The following MINAR1 variants were observed in gnomAD, a reference collection of about 807,000 sequenced individuals.
The protein encoded by MINAR1 is membrane integral NOTCH2 associated receptor 1.
In MINAR1, 40 loss-of-function variants were observed where a neutral mutation model predicts 65.1. The ratio of observed to expected loss-of-function variants is 0.61; its 90% confidence interval spans 0.48 to 0.80. MINAR1 has a LOEUF of 0.80. Ranked by LOEUF, MINAR1 falls within the 30% of genes least tolerant of loss-of-function variation. The pLI, the probability that MINAR1 is intolerant of heterozygous loss-of-function variation, is 0.00. For missense variants in MINAR1, 1,128 were observed against 1,148.0 expected (o/e 0.98, Z 0.25); for synonymous variants, 482 against 449.1 (o/e 1.07, Z -0.93).
chr15:79,452,681 GGT>G (rs879444304), intron 1 of MINAR1, among the ~76,000 whole-genome samples: 7 of 135,276 alleles, frequency 5.2e-5, no homozygotes, highest in African/African-American at 8.2e-5. Flanking sequence ...TATGAGTCTG[GGT>G]GTGTGTGTGT....
At chr15:79,467,877 C>CT (rs1163237544) in intron 3 of MINAR1, among the ~76,000 whole-genome samples, 1 of 152,120 alleles carries the variant, frequency 6.6e-6, no homozygotes, top group African/African-American at 2.4e-5. Context: ...GTTGCATGCC[C>CT]TTGAAGTTTG....
In MINAR1 at chr15:79,468,541, C is replaced by T; in HGVS notation, c.*157C>T. 1.5e-6 allele frequency: 1 copy of T among 672,594 alleles called. No homozygotes were observed. The highest frequency in any genetic ancestry group is 2.5e-6 in the Non-Finnish European group (1 of 402,338). The allele number at this position is 672,594 out of a possible 1,614,324, so 41.7% of individuals were successfully genotyped here. ...ATGAAGGTGGTTTTCAGAAAGTATA[C>T]ATTCTAGTGAGAAATCTACCTACCT... is the stretch of plus-strand genomic sequence containing the variant. On this transcript the variant is annotated 3_prime_UTR_variant, in exon 4 of 4. Coordinates refer to ENST00000305428, the MANE Select transcript of MINAR1 (RefSeq NM_015206.3).
chr15:79,455,147 C>T (rs1260343348), intron 1 of MINAR1, among the ~76,000 whole-genome samples: 4 of 152,110 alleles, frequency 2.6e-5, no homozygotes, highest in Non-Finnish European at 5.9e-5. Flanking sequence ...TTCAACTTTG[C>T]TGTATATTTG....
intron 1 of MINAR1, among the ~76,000 whole-genome samples, chr15:79,453,401 T>C (rs566164553): frequency 2.7e-5 from 4 of 150,650 alleles, no homozygotes; most frequent in South Asian, 2.1e-4. Context: ...CTCTGGATTA[T>C]ATAGTTACTT....
At chr15:79,412,221 A>G in the MINAR1 span, 678 of 151,996 alleles carry the variant, frequency 4.5e-3, 5 homozygotes, top group African/African-American at 0.015. Flanking sequence ...ATCCCCCCCA[A>G]TCACTGCTGG....
chr15:79,435,722 C>T (rs1894581666), intron 1 of MINAR1, among the ~76,000 whole-genome samples: 2 of 152,202 alleles, frequency 1.3e-5, no homozygotes, highest in Admixed American at 1.3e-4. Flanking sequence ...TGGTGGAAAT[C>T]TTAGGAGAGC....
chr15:79,457,160 C>T lies in MINAR1; in HGVS notation c.1013C>T (p.Thr338Ile). The T allele has an allele frequency of 3.7e-6, 6 of 1,614,162 alleles. No homozygotes were observed. Among genetic ancestry groups the T allele is most frequent in the Non-Finnish European group, 5.1e-6 (6 of 1,180,022 alleles). The change falls in exon 2 of 4, where the codon ACA (threonine) becomes ATA (isoleucine). Residue 338 changes from threonine to isoleucine, a missense_variant. Thr to Ile is a moderately conservative substitution (Grantham distance 89). Coordinates refer to ENST00000305428, the MANE Select transcript of MINAR1 (RefSeq NM_015206.3). ...AGCTTAGATGACCTTCAAGCCTCTA[C>T]ATATTTTGGGCCCACTCCCGTGATG... ...HESLDDLQASTYFGPTPVMGT... is the reference protein window; with the variant it reads ...HESLDDLQASIYFGPTPVMGT...
At position 79,457,736 on chromosome 15, in the gene MINAR1, T is replaced by A; in HGVS notation, c.1589T>A (p.Ile530Asn). The stretch of plus-strand genomic sequence containing the variant: ...TTCCGATTTCTTGATGACATGAGCA[T>A]CAGTGGCTCCACGGGAGTGATACAG... ...DIFRFLDDMS[I>N]SGSTGVIQSS... Residue 530 changes from isoleucine (I) to asparagine (N), a missense_variant, in exon 2 of 4, where the codon ATC becomes AAC. By Grantham distance (149) the Ile-to-Asn change is moderately radical. Coordinates refer to ENST00000305428, the MANE Select transcript of MINAR1 (RefSeq NM_015206.3). 6.2e-7 allele frequency: 1 copy of A among 1,614,200 alleles called. No individual in the cohort carries two copies. The highest frequency in any genetic ancestry group is 8.5e-7 in the Non-Finnish European group (1 of 1,180,030).
chr15:79,453,839 C>T (rs1286263767), intron 1 of MINAR1, among the ~76,000 whole-genome samples: 1 of 152,150 alleles, frequency 6.6e-6, no homozygotes, highest in Non-Finnish European at 1.5e-5. Context: ...ATTTCCTTTG[C>T]CATGCAAAGT....
At chr15:79,455,052 G>T (rs1895365524) in intron 1 of MINAR1, among the ~76,000 whole-genome samples, 1 of 151,902 alleles carries the variant, frequency 6.6e-6, no homozygotes, top group African/African-American at 2.4e-5. Flanking sequence ...ATGAATATAT[G>T]GATAGATATG....
At chr15:79,448,544 A>G (rs943841155) in intron 1 of MINAR1, among the ~76,000 whole-genome samples, 9 of 152,240 alleles carry the variant, frequency 5.9e-5, no homozygotes, top group African/African-American at 2.2e-4. Context: ...GCAGGCCAAC[A>G]CCGACGCAGG....
In MINAR1 at chr15:79,457,600, A is replaced by G; in HGVS notation, c.1453A>G (p.Lys485Glu). 1 of 1,614,214 alleles carries G rather than the reference A, an allele frequency of 6.2e-7. No homozygotes were observed. Among genetic ancestry groups the G allele is most frequent in the Non-Finnish European group, 8.5e-7 (1 of 1,180,030 alleles). ...CCAGACTGAGCACGTGCTGGAGCCC[A>G]AGAAATGCAGAGACCTGTGCACCTC... ...GTQTEHVLEP[K>E]KCRDLCTSGQ... The change falls in exon 2 of 4, where the codon AAG (lysine) becomes GAG (glutamate). Residue 485 changes from lysine (K) to glutamate (E), a missense_variant. By Grantham distance (56) the Lys-to-Glu change is moderately conservative (BLOSUM62 1). Transcript: ENST00000305428.
chr15:79,421,628 G>GGGGTCTCC, the MINAR1 span: 1 of 152,204 alleles, frequency 6.6e-6, no homozygotes, highest in African/African-American at 2.4e-5. Context: ...CCTACTCTTA[G>GGGGTCTCC]AAATGGTCTC....
At chr15:79,459,030 A>C (rs1895545441) in intron 2 of MINAR1, among the ~76,000 whole-genome samples, 2 of 152,122 alleles carry the variant, frequency 1.3e-5, no homozygotes, top group Non-Finnish European at 2.9e-5. Context: ...TGTAAAAAAA[A>C]TTAGCCAGGT....
chr15:79,435,124 A>G (rs1894559229), intron 1 of MINAR1, among the ~76,000 whole-genome samples: 1 of 152,144 alleles, frequency 6.6e-6, no homozygotes, highest in African/African-American at 2.4e-5. Context: ...AAAATACAAA[A>G]AATTAGCCAG....
chr15:79,435,706 A>G (rs924933613), intron 1 of MINAR1, among the ~76,000 whole-genome samples: 1 of 152,246 alleles, frequency 6.6e-6, no homozygotes, highest in African/African-American at 2.4e-5. Context: ...GGTGGATGAT[A>G]CACTATGGTG....
chr15:79,434,975 C>A (rs1186985998), intron 1 of MINAR1, among the ~76,000 whole-genome samples: 2 of 152,288 alleles, frequency 1.3e-5, no homozygotes, highest in South Asian at 2.1e-4. Flanking sequence ...TAAATTAAAT[C>A]TTTTATAAAA....
chr15:79,443,586 T>C (rs1351487279), intron 1 of MINAR1, among the ~76,000 whole-genome samples: 2 of 152,352 alleles, frequency 1.3e-5, no homozygotes, highest in Admixed American at 1.3e-4. Context: ...TTTTTCCAAT[T>C]ACATCAATGA....
intron 3 of MINAR1, among the ~76,000 whole-genome samples, chr15:79,464,130 G>A (rs1425197379): frequency 6.6e-6 from 1 of 152,204 alleles, no homozygotes; most frequent in East Asian, 1.9e-4. Flanking sequence ...GAGGTACAGT[G>A]TGGTGGAGAG....
Sources: allele counts gnomAD v4.1 joint callset (sites outside exome capture counted in the v4.1 genomes callset), GRCh38; gene constraint gnomAD v4.1.1; transcripts MANE v1.5; gene names NCBI Gene and HGNC (gene_info 2026-07-23, HGNC 2026-07-21).